The following UBAP1 variants were observed in gnomAD, a reference collection of about 807,000 sequenced individuals.
The protein encoded by UBAP1 is ubiquitin-associated protein 1.
In UBAP1, 5 loss-of-function variants were observed where a neutral mutation model predicts 39.0. The observed-to-expected ratio is 0.13, with a 90% CI of 0.07 to 0.27. UBAP1 has a LOEUF of 0.27. Among genes scored for constraint, UBAP1 ranks in the 10% least tolerant of loss-of-function variants. The pLI, the probability that UBAP1 is intolerant of heterozygous loss-of-function variation, is 1.00. For synonymous variants in UBAP1, 211 were observed against 225.1 expected (o/e 0.94, Z 0.56); for missense variants, 490 against 608.1 (o/e 0.81, Z 2.04).
chr9:34,234,447 T>A, intron 3 of UBAP1, 107 bp downstream of exon 3: 2 of 1,329,730 alleles, frequency 1.5e-6, no homozygotes, highest in Non-Finnish European at 2.0e-6. Context: ...TGAATCATGT[T>A]TTGGTCAACG....
intron 2 of UBAP1, among the ~76,000 whole-genome samples, chr9:34,232,972 G>A (rs1006525650): frequency 2.0e-5 from 3 of 152,128 alleles, no homozygotes; most frequent in Admixed American, 1.3e-4. Context: ...TATAAGAGGC[G>A]TTTTCCTTTT....
intron 2 of UBAP1, chr9:34,224,745 G>A (rs1343177601): frequency 4.5e-6 from 1 of 224,394 alleles, no homozygotes; most frequent in Non-Finnish European, 8.7e-6. Flanking sequence ...ATATTTAATA[G>A]GCAATTGTGC....
rs568091243 is a variant in UBAP1 at position 34,223,206 on chromosome 9, G to A, written c.34+2258G>A. ...AGCACTTTGGGAGGCCGAGGCGGGCGGATCACCTGAGGTCAGGAGTTCAAG... is the reference window on the plus strand; with the variant it reads ...AGCACTTTGGGAGGCCGAGGCGGGCAGATCACCTGAGGTCAGGAGTTCAAG... On this transcript the variant is annotated intron_variant, in intron 2 of 6. Transcript: ENST00000297661. Among the ~76,000 whole-genome samples, 14 of 152,166 alleles carry A rather than the reference G, an allele frequency of 9.2e-5. No individual in the cohort carries two copies. In the South Asian group the frequency reaches 2.1e-3, roughly 23 times the overall value.
intron 2 of UBAP1, among the ~76,000 whole-genome samples, chr9:34,233,223 TTC>T (rs1470642871): frequency 1.7e-3 from 132 of 78,368 alleles, no homozygotes; most frequent in African/African-American, 4.2e-3. Context: ...ATTCTTTCTC[TTC>T]TTTTTTTTTT....
intron 1 of UBAP1, among the ~76,000 whole-genome samples, chr9:34,199,170 T>A (rs1161975547): frequency 1.3e-5 from 2 of 151,872 alleles, no homozygotes; most frequent in Non-Finnish European, 1.5e-5. Flanking sequence ...GCCTCCCGGG[T>A]TCAAGCAGTT....
At chr9:34,212,707 A>G (rs1206950282) in intron 1 of UBAP1, among the ~76,000 whole-genome samples, 1 of 103,356 alleles carries the variant, frequency 9.7e-6, no homozygotes, top group Admixed American at 1.2e-4. Flanking sequence ...CAAGATTGAA[A>G]TGGTAATTTA....
intron 1 of UBAP1, among the ~76,000 whole-genome samples, chr9:34,209,805 C>T (rs892628034): frequency 6.6e-6 from 1 of 151,294 alleles, no homozygotes; most frequent in Non-Finnish European, 1.5e-5. Context: ...CAGTTTTTTT[C>T]CCCCAATTAC....
chr9:34,194,072 A>C (rs1830883606), intron 1 of UBAP1, among the ~76,000 whole-genome samples: 1 of 152,220 alleles, frequency 6.6e-6, no homozygotes, highest in Non-Finnish European at 1.5e-5. Context: ...GGAACAGTGG[A>C]TGAAAACCAA....
At chr9:34,181,090 G>A (rs1023797619) in intron 1 of UBAP1, among the ~76,000 whole-genome samples, 10 of 143,476 alleles carry the variant, frequency 7.0e-5, no homozygotes, top group Non-Finnish European at 1.5e-5. Context: ...GATTACAGGC[G>A]TGAGCCACCG....
intron 1 of UBAP1, among the ~76,000 whole-genome samples, chr9:34,188,413 T>C (rs921503178): frequency 7.1e-6 from 1 of 140,458 alleles, no homozygotes; most frequent in Admixed American, 8.0e-5. Context: ...ATGCTAAACT[T>C]AGTCTTCAGC....
rs976128374 is a variant in UBAP1, at chr9:34,179,144, C to G, written c.-104C>G. On this transcript the variant is annotated 5_prime_UTR_variant, in exon 1 of 7. Transcript: ENST00000297661. ...TTGGAGGTGGTGGCGTTCGCTCTCC[C>G]TAGGGGCTGTCGGGAGCTCAGCGGG... The G allele has an allele frequency of 5.9e-5, 74 of 1,251,406 alleles. No individual in the cohort carries two copies. The African/African-American group carries it at 1.1e-3, about 18-fold the overall frequency. The allele number at this position is 1,251,406 out of a possible 1,614,324, so 77.5% of individuals were successfully genotyped here. A position where few individuals can be genotyped will look rare whatever the true frequency, so the allele number is the denominator to read the frequency against.
chr9:34,246,420 CATTTTAGTGTGTT>C, intron 4 of UBAP1, among the ~76,000 whole-genome samples: 1 of 152,300 alleles, frequency 6.6e-6, no homozygotes, highest in South Asian at 2.1e-4. Context: ...ATGGTAAAGA[CATTTTAGTGTGTT>C]AAATGAAATT....
chr9:34,234,119 A>T, intron 2 of UBAP1, 97 bp from the exon 3 acceptor site: 1 of 1,285,840 alleles, frequency 7.8e-7, no homozygotes, highest in Non-Finnish European at 1.1e-6. Context: ...TAGACTTAGG[A>T]TAGCAAAAAT....
chr9:34,208,276 G>GT (rs763758486), intron 1 of UBAP1, among the ~76,000 whole-genome samples: 1 of 151,804 alleles, frequency 6.6e-6, no homozygotes, highest in African/African-American at 2.4e-5. Flanking sequence ...TTTTTCCGAA[G>GT]TTTTTTGGCA....
At chr9:34,248,526 C>T (rs537002555) in intron 4 of UBAP1, among the ~76,000 whole-genome samples, 113 of 152,234 alleles carry the variant, frequency 7.4e-4, no homozygotes, top group African/African-American at 2.5e-3. Context: ...GGTTAAAGCC[C>T]GTCTCTAAAG....
chr9:34,184,370 G>A (rs2131490638), intron 1 of UBAP1, among the ~76,000 whole-genome samples: 1 of 151,042 alleles, frequency 6.6e-6, no homozygotes, highest in South Asian at 2.1e-4. Flanking sequence ...GGTGGCTCAG[G>A]TCTGTAATCC....
At chr9:34,195,366 A>AT (rs1171264818) in intron 1 of UBAP1, among the ~76,000 whole-genome samples, 3 of 148,008 alleles carry the variant, frequency 2.0e-5, no homozygotes, top group Admixed American at 6.6e-5. Context: ...TGGATGGAAG[A>AT]TTTTTTTTGT....
intron 4 of UBAP1, among the ~76,000 whole-genome samples, chr9:34,246,013 A>G (rs1834158607): frequency 6.6e-6 from 1 of 152,222 alleles, no homozygotes; most frequent in Non-Finnish European, 1.5e-5. Flanking sequence ...TAAAAAGAAT[A>G]AGAAATATAT....
chr9:34,184,840 T>G (rs1193085663), intron 1 of UBAP1, among the ~76,000 whole-genome samples: 9 of 151,534 alleles, frequency 5.9e-5, no homozygotes. Context: ...GCCAGGATGG[T>G]CTTGATCTCT....
Sources: allele counts gnomAD v4.1 joint callset (sites outside exome capture counted in the v4.1 genomes callset), GRCh38; gene constraint gnomAD v4.1.1; transcripts MANE v1.5; gene names NCBI Gene and HGNC (gene_info 2026-07-23, HGNC 2026-07-21).